EPHA6: variants seen among roughly 807,000 people sequenced by gnomAD.
The protein encoded by EPHA6 is ephrin type-A receptor 6.
EPHA6 carries 50 observed loss-of-function variants against 112.0 expected under a neutral mutation model. The observed-to-expected ratio is 0.45, with a 90% CI of 0.36 to 0.56. EPHA6 has a LOEUF of 0.56. Among genes scored for constraint, EPHA6 ranks in the 20% least tolerant of loss-of-function variants. The pLI, the probability that EPHA6 is intolerant of heterozygous loss-of-function variation, is 0.00. For missense variants in EPHA6, 1,280 were observed against 1,417.4 expected (o/e 0.90, Z 1.56); for synonymous variants, 529 against 490.7 (o/e 1.08, Z -1.03).
intron 5 of EPHA6, among the ~76,000 whole-genome samples, chr3:97,388,174 C>A (rs920040293): frequency 3.3e-5 from 5 of 152,160 alleles, no homozygotes; most frequent in African/African-American, 1.2e-4. Context: ...TTATCCATAT[C>A]ATGAAATGGC....
intron 11 of EPHA6, among the ~76,000 whole-genome samples, chr3:97,588,353 T>C (rs2093511189): frequency 6.6e-6 from 1 of 152,196 alleles, no homozygotes; most frequent in Non-Finnish European, 1.5e-5. Flanking sequence ...AATTTCCAAT[T>C]CTAAATTTTC....
At chr3:97,577,249 T>C (rs1342053787) in intron 11 of EPHA6, among the ~76,000 whole-genome samples, 1 of 152,128 alleles carries the variant, frequency 6.6e-6, no homozygotes, top group Non-Finnish European at 1.5e-5. Context: ...GTTCTGGAAC[T>C]GGAAAATAAA....
At chr3:96,817,095 A>C (rs1006692409) in intron 1 of EPHA6, among the ~76,000 whole-genome samples, 1 of 152,034 alleles carries the variant, frequency 6.6e-6, no homozygotes, top group African/African-American at 2.4e-5. Context: ...GGCTGTGCAT[A>C]AGAGTACAGT....
At chr3:96,886,159 G>A (rs558231099) in intron 2 of EPHA6, among the ~76,000 whole-genome samples, 1 of 152,258 alleles carries the variant, frequency 6.6e-6, no homozygotes, top group South Asian at 2.1e-4. Flanking sequence ...CAGCTGTTGG[G>A]TGAAATATTC....
intron 15 of EPHA6, among the ~76,000 whole-genome samples, chr3:97,727,206 CT>C (rs2034812907): frequency 3.3e-5 from 5 of 151,944 alleles, no homozygotes; most frequent in Admixed American, 1.3e-4. Context: ...TTATTTTTCC[CT>C]CCTTGCTTTT....
intron 3 of EPHA6, among the ~76,000 whole-genome samples, chr3:97,042,003 T>C (rs2045333579): frequency 1.3e-5 from 2 of 152,036 alleles, no homozygotes; most frequent in South Asian, 4.1e-4. Flanking sequence ...AGACAAACCT[T>C]AATGGCCTTG....
chr3:97,416,584 G>A (rs914942931), intron 6 of EPHA6, among the ~76,000 whole-genome samples: 1 of 151,956 alleles, frequency 6.6e-6, no homozygotes, highest in African/African-American at 2.4e-5. Context: ...TAGTAAGGAA[G>A]GAGAGATGAG....
At chr3:97,374,072 C>T (rs1343875934) in intron 5 of EPHA6, among the ~76,000 whole-genome samples, 1 of 152,074 alleles carries the variant, frequency 6.6e-6, no homozygotes. Context: ...GTTATCTGAA[C>T]TCCTGTTTCT....
chr3:97,264,833 G>A (rs561536568), intron 5 of EPHA6, among the ~76,000 whole-genome samples: 3 of 152,272 alleles, frequency 2.0e-5, no homozygotes, highest in African/African-American at 7.2e-5. Flanking sequence ...CCCTGTCCTA[G>A]CAGGGCTAGG....
chr3:97,174,725 C>T (rs1261173191), intron 3 of EPHA6, among the ~76,000 whole-genome samples: 3 of 151,782 alleles, frequency 2.0e-5, no homozygotes, highest in Admixed American at 2.0e-4. Context: ...ATATTTTGCC[C>T]ATGTGTTGAT....
At chr3:97,459,517 C>A (rs370901682) in intron 7 of EPHA6, among the ~76,000 whole-genome samples, 17 of 152,168 alleles carry the variant, frequency 1.1e-4, no homozygotes, top group East Asian at 5.8e-4. Flanking sequence ...GAGGACCATG[C>A]AATGCCATCC....
At chr3:97,071,560 C>T (rs1434771034) in intron 3 of EPHA6, among the ~76,000 whole-genome samples, 1 of 151,946 alleles carries the variant, frequency 6.6e-6, no homozygotes, top group Non-Finnish European at 1.5e-5. Flanking sequence ...CTGATAAACC[C>T]AGCAGATCTT....
intron 5 of EPHA6, among the ~76,000 whole-genome samples, chr3:97,289,817 T>G (rs561388974): frequency 6.6e-6 from 1 of 152,218 alleles, no homozygotes; most frequent in South Asian, 2.1e-4. Flanking sequence ...TTATTTTTTG[T>G]GAGTATGCAG....
chr3:96,901,476 A>ATT (rs565569852), intron 2 of EPHA6, among the ~76,000 whole-genome samples: 15 of 146,928 alleles, frequency 1.0e-4, no homozygotes, highest in African/African-American at 3.5e-4. Flanking sequence ...CTGGGAAAAG[A>ATT]TTTTTTTTTT....
At chr3:97,495,143 C>G (rs1424713356) in intron 10 of EPHA6, among the ~76,000 whole-genome samples, 2 of 152,078 alleles carry the variant, frequency 1.3e-5, no homozygotes, top group Non-Finnish European at 2.9e-5. Flanking sequence ...TTATCCCCAG[C>G]GGTCTTTCTC....
intron 2 of EPHA6, among the ~76,000 whole-genome samples, chr3:96,985,038 G>A (rs1262172532): frequency 6.6e-6 from 1 of 152,158 alleles, no homozygotes; most frequent in Non-Finnish European, 1.5e-5. Context: ...CTCACACTCA[G>A]TGGGCTGCAC....
At chr3:97,389,190 A>G (rs2086255223) in intron 5 of EPHA6, among the ~76,000 whole-genome samples, 3 of 152,224 alleles carry the variant, frequency 2.0e-5, no homozygotes, top group Non-Finnish European at 4.4e-5. Flanking sequence ...ACATGATAAG[A>G]ATTAAAGCAA....
intron 5 of EPHA6, among the ~76,000 whole-genome samples, chr3:97,377,882 A>G (rs2085461303): frequency 6.6e-6 from 1 of 152,138 alleles, no homozygotes; most frequent in African/African-American, 2.4e-5. Flanking sequence ...TAAAAGGGAA[A>G]GAGAGCATAA....
chr3:97,160,453 T>G (rs1241043370), intron 3 of EPHA6, among the ~76,000 whole-genome samples: 2 of 151,866 alleles, frequency 1.3e-5, no homozygotes, highest in Non-Finnish European at 2.9e-5. Flanking sequence ...ATTTTTTTTT[T>G]ATTTTTAGTA....
Sources: allele counts gnomAD v4.1 joint callset (sites outside exome capture counted in the v4.1 genomes callset), GRCh38; gene constraint gnomAD v4.1.1; transcripts MANE v1.5; gene names NCBI Gene and HGNC (gene_info 2026-07-23, HGNC 2026-07-21).